Variants in FARP1 observed in about 807,000 individuals in gnomAD.
The protein encoded by FARP1 is FERM, ARH/RhoGEF and pleckstrin domain protein 1, also known as FERM, ARHGEF and pleckstrin domain-containing protein 1.
In FARP1, 52 loss-of-function variants were observed where a neutral mutation model predicts 128.8. The observed-to-expected ratio is 0.40, with a 90% CI of 0.32 to 0.51. The LOEUF is 0.51. Ranked by LOEUF, FARP1 falls within the 20% of genes least tolerant of loss-of-function variation. FARP1 has a pLI of 0.45. For missense variants in FARP1, 1,333 were observed against 1,367.9 expected (o/e 0.97, Z 0.40); for synonymous variants, 580 against 551.8 (o/e 1.05, Z -0.72).
intron 3 of FARP1, among the ~76,000 whole-genome samples, chr13:98,355,922 A>G (rs999763188): frequency 6.6e-5 from 10 of 152,064 alleles, no homozygotes; most frequent in Non-Finnish European, 2.9e-5. Flanking sequence ...AAATTCTTCA[A>G]TTGTTGCTTT....
At chr13:98,334,988 A>G (rs1021661134) in intron 2 of FARP1, among the ~76,000 whole-genome samples, 1 of 152,202 alleles carries the variant, frequency 6.6e-6, no homozygotes, top group Non-Finnish European at 1.5e-5. Context: ...TCACGTTTCC[A>G]TCTGTGTTTA....
chr13:98,291,360 AGTGGCTG>A (rs1885438260), intron 2 of FARP1, among the ~76,000 whole-genome samples: 1 of 152,188 alleles, frequency 6.6e-6, no homozygotes, highest in Non-Finnish European at 1.5e-5. Context: ...GAGGAGGATG[AGTGGCTG>A]GTCATGCTGT....
intron 5 of FARP1, among the ~76,000 whole-genome samples, chr13:98,377,280 G>A (rs528005962): frequency 3.4e-5 from 5 of 145,790 alleles, no homozygotes; most frequent in South Asian, 2.2e-4. Context: ...CCAGCCTGGC[G>A]ACAGAGCGAG....
At chr13:98,350,673 C>A (rs1433091782) in intron 3 of FARP1, among the ~76,000 whole-genome samples, 1 of 152,164 alleles carries the variant, frequency 6.6e-6, no homozygotes, top group Non-Finnish European at 1.5e-5. Context: ...GAGCACCTGG[C>A]AACCCCTGAT....
At chr13:98,312,207 C>G (rs1461487209) in intron 2 of FARP1, among the ~76,000 whole-genome samples, 1 of 131,306 alleles carries the variant, frequency 7.6e-6, no homozygotes, top group Non-Finnish European at 1.5e-5. Flanking sequence ...GTGGCGTGAT[C>G]TTGGCTCACT....
intron 2 of FARP1, among the ~76,000 whole-genome samples, chr13:98,230,807 C>T (rs1882066321): frequency 6.6e-6 from 1 of 152,116 alleles, no homozygotes; most frequent in Non-Finnish European, 1.5e-5. Flanking sequence ...ATGCAGTTAG[C>T]AGGTGTATTA....
At chr13:98,185,435 T>TG (rs1157160976) in intron 1 of FARP1, among the ~76,000 whole-genome samples, 4 of 152,036 alleles carry the variant, frequency 2.6e-5, no homozygotes, top group Admixed American at 6.6e-5. Flanking sequence ...ATCTTTATGT[T>TG]GGGGGGGCTT....
chr13:98,164,432 T>G (rs1380657951), intron 1 of FARP1, among the ~76,000 whole-genome samples: 1 of 152,230 alleles, frequency 6.6e-6, no homozygotes, highest in Admixed American at 6.5e-5. Flanking sequence ...GAGTCTGGGT[T>G]GCTCTTGGTA....
chr13:98,286,018 C>T (rs990087750), intron 2 of FARP1, among the ~76,000 whole-genome samples: 3 of 152,058 alleles, frequency 2.0e-5, no homozygotes, highest in Non-Finnish European at 4.4e-5. Context: ...CCTTAGGTAC[C>T]CTGAGATCAG....
intron 25 of FARP1, 141 bp from the exon 26 acceptor site, chr13:98,446,525 G>A: frequency 1.2e-6 from 1 of 824,066 alleles, no homozygotes; most frequent in East Asian, 2.5e-5. Context: ...GCAAACACTG[G>A]CTGCCATGGT....
At chr13:98,384,006 G>A (rs573695262) in intron 6 of FARP1, 1 of 152,244 alleles carries the variant, frequency 6.6e-6, no homozygotes, top group East Asian at 1.9e-4. Context: ...ACTAGTCATT[G>A]CTAATATATA....
intron 16 of FARP1, among the ~76,000 whole-genome samples, chr13:98,422,977 C>T (rs1483202718): frequency 6.6e-6 from 1 of 152,150 alleles, no homozygotes. Context: ...CCACAATAGG[C>T]TGTCTGCAAG....
intron 19 of FARP1, among the ~76,000 whole-genome samples, chr13:98,437,460 T>TGCCAGAAAGCAACA (rs1892317338): frequency 6.8e-6 from 1 of 147,316 alleles, no homozygotes; most frequent in Non-Finnish European, 1.5e-5. Flanking sequence ...GAAAATACAT[T>TGCCAGAAAGCAACA]GCCAGAAAGC....
intron 16 of FARP1, among the ~76,000 whole-genome samples, chr13:98,418,082 C>T (rs1891455070): frequency 6.6e-6 from 1 of 152,160 alleles, no homozygotes. Context: ...CAAAGTCTCG[C>T]TCTGTTGCCC....
At chr13:98,312,196 A>G (rs1886499472) in intron 2 of FARP1, among the ~76,000 whole-genome samples, 1 of 125,112 alleles carries the variant, frequency 8.0e-6, no homozygotes, top group Non-Finnish European at 1.6e-5. Flanking sequence ...GCTGGAGTGG[A>G]GTGGCGTGAT....
rs773255110 is a variant in FARP1, at chr13:98,176,458, C to A, written c.-24+32966C>A. On this transcript the variant is annotated intron_variant, in intron 1 of 26. Coordinates refer to ENST00000319562, the MANE Select transcript of FARP1 (RefSeq NM_005766.4). The surrounding 1 kb of genome is among the most constrained non-coding windows in gnomAD (Gnocchi z 6.2). ...GACGACTGGGTTTTGGAAGGCCTGG[C>A]GACATATGAAACACCTGAATGGTAT... 16 of 1,614,080 alleles carry A rather than the reference C, an allele frequency of 9.9e-6. No individual in the cohort carries two copies. The East Asian group carries it at 1.1e-4, about 11-fold the overall frequency.
intron 4 of FARP1, among the ~76,000 whole-genome samples, chr13:98,366,107 A>AT (rs1413161600): frequency 6.6e-6 from 1 of 152,116 alleles, no homozygotes; most frequent in African/African-American, 2.4e-5. Context: ...TCTGGTCCCA[A>AT]TGTCATCCCA....
intron 4 of FARP1, among the ~76,000 whole-genome samples, chr13:98,367,482 TTTC>T (rs1889141286): frequency 1.4e-5 from 2 of 146,308 alleles, no homozygotes; most frequent in South Asian, 4.1e-4. Context: ...TCTGTCCTGT[TTTC>T]TTTCTTTTTT....
chr13:98,322,252 T>C (rs1241936012), intron 2 of FARP1, among the ~76,000 whole-genome samples: 4 of 152,186 alleles, frequency 2.6e-5, no homozygotes, highest in African/African-American at 9.7e-5. Context: ...GAGTGGAGAT[T>C]GCACCATTGC....
Sources: gnomAD v4.1 joint callset for allele counts (sites outside exome capture counted in the v4.1 genomes callset) on GRCh38, gnomAD v4.1.1 for gene constraint, Gnocchi (gnomAD v3.1) non-coding constraint, MANE v1.5 for transcripts, NCBI Gene and HGNC (gene_info 2026-07-23, HGNC 2026-07-21) for gene names.